The following SPINK5 variants were observed in gnomAD, a reference collection of about 807,000 sequenced individuals.
SPINK5 encodes the protein serine protease inhibitor Kazal-type 5.
SPINK5 carries 125 observed loss-of-function variants against 151.8 expected under a neutral mutation model. That is an observed-to-expected ratio of 0.82 (90% CI 0.71 to 0.96). The LOEUF is 0.96. Among genes scored for constraint, SPINK5 ranks in the 40% least tolerant of loss-of-function variants. The pLI is 0.00. For missense variants in SPINK5, 1,194 were observed against 1,291.9 expected (o/e 0.92, Z 1.16); for synonymous variants, 374 against 395.3 (o/e 0.95, Z 0.64).
chr5:148,131,211 C>A, intron 30 of SPINK5, 48 bp from the exon 31 acceptor site: 2 of 1,611,762 alleles, frequency 1.2e-6, no homozygotes. Context: ...GCCCACCCCT[C>A]TTCTTGAATG....
chr5:148,101,748 C>T, intron 14 of SPINK5, 33 bp from the exon 15 acceptor site: 1 of 1,613,392 alleles, frequency 6.2e-7, no homozygotes, highest in Middle Eastern at 1.7e-4. Context: ...AGCCTATGTT[C>T]AACACTTTCA....
intron 26 of SPINK5, among the ~76,000 whole-genome samples, chr5:148,122,922 C>T (rs1033930684): frequency 3.2e-5 from 4 of 123,358 alleles, no homozygotes; most frequent in African/African-American, 6.2e-5. Flanking sequence ...TGAAAGTTTA[C>T]GTGTTTTTAT....
chr5:148,118,690 A>AT, intron 23 of SPINK5, 126 bp downstream of exon 23: 3 of 1,398,144 alleles, frequency 2.1e-6, no homozygotes, highest in East Asian at 2.4e-5. Context: ...CAAATATTCT[A>AT]TTTTTTTCTC....
Position 148,116,744 on chromosome 5 carries a change from G to A in SPINK5, c.2112+278G>A, listed in dbSNP as rs2052532. 0.51 allele frequency among the ~76,000 whole-genome samples: 77,991 copies of A among 151,996 alleles called. 22,178 individuals carry two copies. The highest frequency in any genetic ancestry group is 0.63 in the Non-Finnish European group (42,809 of 67,968). ...TAATCTAGACCTCATATCAATAATC[G>A]TTCTCATCAGTATCACATGCTCTTC... On this transcript the variant is annotated intron_variant, in intron 22 of 32. Transcript: ENST00000256084.
At chr5:148,123,521 G>GTATATATATATA (rs1159209367) in intron 26 of SPINK5, among the ~76,000 whole-genome samples, 11 of 25,012 alleles carry the variant, frequency 4.4e-4, no homozygotes, top group African/African-American at 7.9e-4. Flanking sequence ...CAATATATGT[G>GTATATATATATA]TATATATATA....
At chr5:148,100,998 C>A (rs1025039039) in intron 13 of SPINK5, among the ~76,000 whole-genome samples, 1 of 152,068 alleles carries the variant, frequency 6.6e-6, no homozygotes, top group Non-Finnish European at 1.5e-5. Flanking sequence ...GATATCAGTA[C>A]AGACTTTACA....
intron 4 of SPINK5, among the ~76,000 whole-genome samples, chr5:148,084,364 G>A (rs1753099254): frequency 6.6e-6 from 1 of 151,776 alleles, no homozygotes; most frequent in African/African-American, 2.4e-5. Context: ...CACTTCACCA[G>A]GTCAGGAATC....
chr5:148,101,044 A>G (rs1324428033), intron 13 of SPINK5, among the ~76,000 whole-genome samples: 1 of 152,120 alleles, frequency 6.6e-6, no homozygotes, highest in Non-Finnish European at 1.5e-5. Flanking sequence ...GTCATTAGAG[A>G]TACAGTAATG....
rs1009502314 is a variant in SPINK5, at chr5:148,099,377, C to G, written c.1092+62C>G. On this transcript the variant is annotated intron_variant, in intron 12 of 32. Transcript: ENST00000256084. ...TATAATTTGAACAAATTTTAAGAGC[C>G]TAAAGGGTGAGATTTTGCCCTGCAG... The G allele has an allele frequency of 2.1e-6, 3 of 1,461,498 alleles. No individual in the cohort carries two copies. In the African/African-American group the frequency reaches 4.2e-5, roughly 20 times the overall value. 90.5% of individuals were successfully genotyped at this position (1,461,498 alleles called of 1,614,324 possible). A position where few individuals can be genotyped will look rare whatever the true frequency, so the allele number is the denominator to read the frequency against.
intron 26 of SPINK5, among the ~76,000 whole-genome samples, chr5:148,120,711 A>G (rs1754234326): frequency 6.6e-6 from 1 of 152,116 alleles, no homozygotes; most frequent in African/African-American, 2.4e-5. Context: ...AGCTCAAGCA[A>G]TTTGCCGGAG....
intron 4 of SPINK5, 126 bp from the exon 5 acceptor site, chr5:148,086,279 C>T: frequency 8.6e-7 from 1 of 1,158,316 alleles, no homozygotes; most frequent in Non-Finnish European, 1.2e-6. Flanking sequence ...TCAATGTAGC[C>T]TTCATGATAT....
chr5:148,123,186 C>A (rs975198740), intron 26 of SPINK5, among the ~76,000 whole-genome samples: 1 of 151,078 alleles, frequency 6.6e-6, no homozygotes, highest in Non-Finnish European at 1.5e-5. Flanking sequence ...CCCGTCTCTA[C>A]AAAAAATTTT....
rs371577970 is a variant in SPINK5, at chr5:148,114,417, G to A, written c.1943G>A (p.Arg648Lys). The A allele has an allele frequency of 3.1e-6, 5 of 1,613,582 alleles. No homozygotes were observed. The African/African-American group carries it at 5.3e-5, about 17-fold the overall frequency. The change falls in exon 21 of 33, where the codon AGA (arginine) becomes AAA (lysine). Residue 648 changes from arginine (R) to lysine (K), a missense_variant. Arg to Lys is a conservative substitution (Grantham distance 26). Coordinates refer to ENST00000256084, the MANE Select transcript of SPINK5 (RefSeq NM_006846.4). ...LLQNGKLFCT[R>K]ENDPVRGPDG... ...CAAAATGGAAAACTTTTCTGCACAA[G>A]AGAAAATGATCCTGTGCGTGGCCCA...
chr5:148,116,114 C>G (rs1046952357), intron 21 of SPINK5, among the ~76,000 whole-genome samples: 1 of 152,112 alleles, frequency 6.6e-6, no homozygotes, highest in Non-Finnish European at 1.5e-5. Flanking sequence ...AACCAACACA[C>G]CCAGCTTTAC....
intron 20 of SPINK5, among the ~76,000 whole-genome samples, chr5:148,114,118 T>G (rs1312817197): frequency 1.3e-5 from 2 of 152,190 alleles, no homozygotes; most frequent in African/African-American, 4.8e-5. Flanking sequence ...GAACTAAGTT[T>G]ATTGAGAGTC....
chr5:148,136,811 A>G (rs1581118279), intron 32 of SPINK5, among the ~76,000 whole-genome samples, 172 bp from the exon 33 acceptor site: 1 of 152,334 alleles, frequency 6.6e-6, no homozygotes, highest in Non-Finnish European at 1.5e-5. Flanking sequence ...TAGGTGCTCA[A>G]TATTTGTTGT....
rs79639551 is a variant in SPINK5, at chr5:148,135,011, C to T, written c.3186+1124C>T. 1.2e-3 allele frequency among the ~76,000 whole-genome samples: 189 copies of T among 152,104 alleles called. 2 individuals are homozygous for T. In the East Asian group the frequency reaches 0.034, roughly 27 times the overall value. On this transcript the variant is annotated intron_variant, in intron 32 of 32. Transcript: ENST00000256084. ...ATAAGCTAGAGTCTTCCTAGTTTCACATTAGCAGCTGAAAGCAATGTAGAG... is the reference window on the plus strand; with the variant it reads ...ATAAGCTAGAGTCTTCCTAGTTTCATATTAGCAGCTGAAAGCAATGTAGAG...
rs1404308589 is a variant in SPINK5 at position 148,112,853 on chromosome 5, TC to T, written c.1821-12del. 6.2e-7 allele frequency: 1 copy of T among 1,613,708 alleles called. No homozygotes were observed. Among genetic ancestry groups the T allele is most frequent in the Non-Finnish European group, 8.5e-7 (1 of 1,179,816 alleles). On this transcript the variant is annotated splice_polypyrimidine_tract_variant and intron_variant, in intron 19 of 32. Coordinates refer to ENST00000256084, the MANE Select transcript of SPINK5 (RefSeq NM_006846.4). ...GGTGCTAGGAATGATTGTTTTGTCC[TC>T]CCTTTTCTTATAGCCAGCAAGAAGC...
chr5:148,113,229 C>T (rs1338309770), intron 20 of SPINK5, among the ~76,000 whole-genome samples: 12 of 152,064 alleles, frequency 7.9e-5, no homozygotes, highest in African/African-American at 1.9e-4. Context: ...TAAAAACAAA[C>T]GGCTGGCCAG....
Sources: allele counts gnomAD v4.1 joint callset (sites outside exome capture counted in the v4.1 genomes callset), GRCh38; gene constraint gnomAD v4.1.1; transcripts MANE v1.5; gene names NCBI Gene and HGNC (gene_info 2026-07-23, HGNC 2026-07-21).